Variants in APBA2 observed in about 807,000 individuals in gnomAD.
APBA2 encodes the protein amyloid-beta A4 precursor protein-binding family A member 2.
Under a neutral mutation model 75.0 loss-of-function variants are expected in APBA2, and 30 were observed. The ratio of observed to expected loss-of-function variants is 0.40; its 90% CI spans 0.30 to 0.54. The LOEUF (loss-of-function observed/expected upper bound fraction) is 0.54, where lower values mean the gene tolerates loss of function less well. Among genes scored for constraint, APBA2 ranks in the 20% least tolerant of loss-of-function variants. The probability of loss-of-function intolerance (pLI) is 0.49; values close to 1 mark genes in which losing one functional copy is unlikely to be tolerated. For synonymous variants in APBA2, 444 were observed against 409.6 expected (o/e 1.08, Z -1.01); for missense variants, 801 against 1,016.1 (o/e 0.79, Z 2.88).
chr15:29,025,970 AGAAAT>A (rs1428904071), intron 3 of APBA2, among the ~76,000 whole-genome samples: 6 of 114,894 alleles, frequency 5.2e-5, no homozygotes, highest in Non-Finnish European at 1.4e-4. Context: ...AAAAAAGAAA[AGAAAT>A]GGCCCAGAGA....
At chr15:28,933,657 G>A (rs1172389404) in intron 2 of APBA2, among the ~76,000 whole-genome samples, 3 of 152,206 alleles carry the variant, frequency 2.0e-5, no homozygotes, top group Admixed American at 6.5e-5. Context: ...AGTTAGGAGC[G>A]AAGTCCTCGA....
chr15:28,970,291 T>C (rs1237440288), intron 2 of APBA2: 2 of 151,592 alleles, frequency 1.3e-5, no homozygotes, highest in African/African-American at 4.8e-5. Flanking sequence ...TTATACAACG[T>C]ATATATTATA....
intron 10 of APBA2, among the ~76,000 whole-genome samples, chr15:29,103,176 T>C (rs1038731): frequency 0.67 from 101,368 of 152,110 alleles, 39,038 homozygotes; most frequent in Non-Finnish European, 0.85. Context: ...TGGCGAAGGG[T>C]GGCAGTCAGC....
At chr15:28,943,861 C>A (rs553132658) in intron 2 of APBA2, among the ~76,000 whole-genome samples, 1 of 152,328 alleles carries the variant, frequency 6.6e-6, no homozygotes, top group Non-Finnish European at 1.5e-5. Flanking sequence ...ACCGCCCCTA[C>A]ATGGTGTGCC....
chr15:28,985,003 C>T (rs764380349), intron 2 of APBA2, among the ~76,000 whole-genome samples: 1 of 151,998 alleles, frequency 6.6e-6, no homozygotes, highest in Non-Finnish European at 1.5e-5. Context: ...GGATGCAGAG[C>T]GGCTTGGATT....
At chr15:28,943,811 C>T (rs953061197) in intron 2 of APBA2, among the ~76,000 whole-genome samples, 5 of 152,182 alleles carry the variant, frequency 3.3e-5, no homozygotes, top group African/African-American at 4.8e-5. Context: ...ACCCTGGGCT[C>T]CACCCATTCC....
intron 3 of APBA2, among the ~76,000 whole-genome samples, chr15:29,026,263 A>C (rs892057383): frequency 2.6e-5 from 4 of 152,174 alleles, no homozygotes; most frequent in Non-Finnish European, 5.9e-5. Flanking sequence ...CCCAGCTCAG[A>C]GCACACACTC....
chr15:28,979,247 C>T (rs1308344054), intron 2 of APBA2, among the ~76,000 whole-genome samples: 5 of 152,188 alleles, frequency 3.3e-5, no homozygotes, highest in African/African-American at 1.2e-4. Flanking sequence ...TACCACCAAG[C>T]CCTCTCCTTG....
intron 3 of APBA2, among the ~76,000 whole-genome samples, chr15:29,038,799 G>A (rs144144884): frequency 0.036 from 5,446 of 149,406 alleles, 344 homozygotes; most frequent in African/African-American, 0.13. Flanking sequence ...TCAGCCTCCC[G>A]AGTAGCTGGG....
In APBA2 at chr15:28,991,769, C is replaced by G. The variant is rs939164586; in HGVS notation, c.-94-3984C>G. 1.3e-5 allele frequency among the ~76,000 whole-genome samples: 2 copies of G among 152,220 alleles called. No individual in the cohort carries two copies. Among genetic ancestry groups the G allele is most frequent in the Admixed American group, 1.3e-4 (2 of 15,288 alleles). On this transcript the variant is annotated intron_variant, in intron 2 of 14. Coordinates refer to ENST00000683413, the MANE Select transcript of APBA2 (RefSeq NM_001353788.2). This position sits in a 1 kb window ranked among gnomAD's most constrained non-coding sequence, Gnocchi z 4.7. ...AGACCCCTTCCAACCCATCCCAGGG[C>G]CTCTGCTCAGTGTGGCCAGAGCCTC...
chr15:29,054,945 C>T lies in APBA2; in HGVS notation c.951+110C>T. 9.5e-7 allele frequency: 1 copy of T among 1,049,686 alleles called. No individual in the cohort carries two copies. The allele number at this position is 1,049,686 out of a possible 1,614,324, so 65.0% of individuals were successfully genotyped here. A position where few individuals can be genotyped will look rare whatever the true frequency, so the allele number is the denominator to read the frequency against. ...CGAGGCGGTGGGGGGTGCTGGGTGC[C>T]TCACAGTTCTAATGGTGGCTGAGCT... On this transcript the variant is annotated intron_variant, in intron 4 of 14. Coordinates refer to ENST00000683413, the MANE Select transcript of APBA2 (RefSeq NM_001353788.2). The surrounding 1 kb of genome is among the most constrained non-coding windows in gnomAD (Gnocchi z 6.1).
At position 28,886,268 on chromosome 15, in the gene APBA2, G is replaced by C. The variant is rs1191301991; in HGVS notation, c.-215G>C. The C allele has an allele frequency of 1.3e-5, 2 of 150,830 alleles. No homozygotes were observed. Among genetic ancestry groups the C allele is most frequent in the African/African-American group, 4.8e-5 (2 of 41,314 alleles). The allele number at this position is 150,830 out of a possible 1,614,324, so 9.3% of individuals were successfully genotyped here. ...CGGCGGCGTACCCGGGCAGCCCAGC[G>C]CCCTGGCCAGGTAAGCTGGGGAACC... On this transcript the variant is annotated 5_prime_UTR_variant, in exon 1 of 15. Transcript: ENST00000683413.
chr15:28,919,471 C>A (rs72714163), intron 1 of APBA2: 13,668 of 152,506 alleles, frequency 0.09, 687 homozygotes, highest in African/African-American at 0.13. Flanking sequence ...AGGTGGCAGC[C>A]CCCGGCCCCG....
At chr15:28,901,198 C>T (rs1158684730) in intron 1 of APBA2, among the ~76,000 whole-genome samples, 1 of 152,198 alleles carries the variant, frequency 6.6e-6, no homozygotes, top group Non-Finnish European at 1.5e-5. Flanking sequence ...CTGTCCGGTG[C>T]TTGGGGAGCA....
At chr15:29,002,279 G>A (rs931107544) in intron 3 of APBA2, among the ~76,000 whole-genome samples, 1 of 152,202 alleles carries the variant, frequency 6.6e-6, no homozygotes. Flanking sequence ...TCATGGAGAC[G>A]TTTTCTAAGT....
chr15:28,948,592 C>G (rs184965960), intron 2 of APBA2, among the ~76,000 whole-genome samples: 1 of 152,166 alleles, frequency 6.6e-6, no homozygotes, highest in African/African-American at 2.4e-5. Context: ...CTTACGGCTA[C>G]GCCCTGGAAT....
At chr15:28,897,159 A>C (rs890857634) in intron 1 of APBA2, among the ~76,000 whole-genome samples, 4 of 149,822 alleles carry the variant, frequency 2.7e-5, no homozygotes, top group Non-Finnish European at 5.9e-5. Flanking sequence ...GAGAACACCC[A>C]GTAGGAAAAT....
intron 1 of APBA2, among the ~76,000 whole-genome samples, chr15:28,907,571 G>A (rs139290872): frequency 1.9e-3 from 288 of 152,342 alleles, no homozygotes; most frequent in African/African-American, 6.6e-3. Flanking sequence ...GGAATCAGGC[G>A]GGAGCCCCCA....
At chr15:29,020,805 C>T (rs1256429444) in intron 3 of APBA2, among the ~76,000 whole-genome samples, 1 of 152,022 alleles carries the variant, frequency 6.6e-6, no homozygotes, top group East Asian at 1.9e-4. Flanking sequence ...AGTGAGACTC[C>T]ATCTCAAAAA....
Sources: gnomAD v4.1 joint callset for allele counts (sites outside exome capture counted in the v4.1 genomes callset) on GRCh38, gnomAD v4.1.1 for gene constraint, Gnocchi (gnomAD v3.1) non-coding constraint, MANE v1.5 for transcripts, NCBI Gene and HGNC (gene_info 2026-07-23, HGNC 2026-07-21) for gene names.